Variants in ANKS1A observed in about 807,000 individuals in gnomAD.
The protein encoded by ANKS1A is ankyrin repeat and SAM domain-containing protein 1A.
A neutral mutation model predicts 120.3 loss-of-function variants in ANKS1A; 55 were observed. That is an observed-to-expected ratio of 0.46 (90% CI 0.37 to 0.57). ANKS1A has a LOEUF of 0.57. Among genes scored for constraint, ANKS1A ranks in the 20% least tolerant of loss-of-function variants. The pLI is 0.00. For missense variants in ANKS1A, 1,123 were observed against 1,480.3 expected (o/e 0.76, Z 3.96); for synonymous variants, 590 against 604.7 (o/e 0.98, Z 0.36).
intron 1 of ANKS1A, among the ~76,000 whole-genome samples, chr6:34,932,784 G>A (rs983863302): frequency 2.8e-4 from 43 of 152,084 alleles, no homozygotes; most frequent in African/African-American, 9.7e-4. Flanking sequence ...TCCATATTTT[G>A]GTTTTTGTGA....
At chr6:34,950,671 A>G (rs1206162739) in intron 1 of ANKS1A, among the ~76,000 whole-genome samples, 2 of 152,148 alleles carry the variant, frequency 1.3e-5, no homozygotes, top group African/African-American at 4.8e-5. Context: ...AGGAAACATC[A>G]AGGCTAGGGG....
rs142839157 is a variant in ANKS1A, at chr6:35,024,718, C to T, written c.2010+6659C>T. The stretch of plus-strand genomic sequence containing the variant: ...TTCAGGCCAAGTCCAGAAGTGGCCT[C>T]GCCACCTCGCCCTTTCCAGCTCTTT... On this transcript the variant is annotated intron_variant, in intron 11 of 23. Transcript: ENST00000360359. Among the ~76,000 whole-genome samples, 284 of 152,284 alleles carry T rather than the reference C, an allele frequency of 1.9e-3. 1 individual carries two copies. Among genetic ancestry groups the T allele is most frequent in the African/African-American group, 6.1e-3 (254 of 41,572 alleles).
chr6:34,901,998 T>G (rs937180970), intron 1 of ANKS1A, among the ~76,000 whole-genome samples: 5 of 152,244 alleles, frequency 3.3e-5, no homozygotes, highest in African/African-American at 1.2e-4. Flanking sequence ...CCTATTACTT[T>G]TTACCTACAA....
At chr6:34,896,965 C>A (rs1299216075) in intron 1 of ANKS1A, among the ~76,000 whole-genome samples, 1 of 151,530 alleles carries the variant, frequency 6.6e-6, no homozygotes, top group Non-Finnish European at 1.5e-5. Flanking sequence ...AACTCCATCT[C>A]AAAAAAAATA....
At chr6:35,093,230 T>C (rs1030399960), downstream of ANKS1A, among the ~76,000 whole-genome samples, 2 of 152,144 alleles carry the variant, frequency 1.3e-5, no homozygotes, top group Middle Eastern at 3.2e-3. Context: ...CAAATAGAAT[T>C]TTCCTAACAC....
At chr6:35,071,186 C>A in intron 13 of ANKS1A, 1 of 261,326 alleles carries the variant, frequency 3.8e-6, no homozygotes, top group Non-Finnish European at 7.4e-6. Flanking sequence ...TCCCTCCTTT[C>A]CAGACTGAAC....
intron 10 of ANKS1A, among the ~76,000 whole-genome samples, chr6:35,001,450 C>CA (rs1370745002): frequency 6.6e-6 from 1 of 152,194 alleles, no homozygotes; most frequent in Non-Finnish European, 1.5e-5. Context: ...GTCCTCCAGT[C>CA]AGCTCCATGG....
In ANKS1A at chr6:34,982,202, G is replaced by A. The variant is rs564791209; in HGVS notation, c.732+216G>A. The stretch of plus-strand genomic sequence containing the variant: ...TTTGTTTCTTTTCAGGGGGTAATCC[G>A]TAGTCATTAAACCCTGAAAAGATGT... On this transcript the variant is annotated intron_variant, in intron 4 of 23. Transcript: ENST00000360359. This position sits in a 1 kb window ranked among gnomAD's most constrained non-coding sequence, Gnocchi z 4.9. Among the ~76,000 whole-genome samples, 12 of 152,164 alleles carry A rather than the reference G, an allele frequency of 7.9e-5. No homozygotes were observed. The highest frequency in any genetic ancestry group is 1.2e-4 in the African/African-American group (5 of 41,508).
At chr6:35,013,168 G>A (rs57844307) in intron 10 of ANKS1A, among the ~76,000 whole-genome samples, 16,179 of 152,244 alleles carry the variant, frequency 0.11, 1,220 homozygotes, top group African/African-American at 0.2. Flanking sequence ...TGCTCAGCTC[G>A]AAAGCTACCT....
intron 1 of ANKS1A, among the ~76,000 whole-genome samples, chr6:34,941,762 A>T (rs1199547577): frequency 6.6e-6 from 1 of 152,222 alleles, no homozygotes; most frequent in African/African-American, 2.4e-5. Flanking sequence ...ACAGCCGTTC[A>T]TTCTTTAAAG....
Position 35,082,687 on chromosome 6 carries a change from G to A in ANKS1A, c.2710-4G>A, listed in dbSNP as rs779760906. The A allele has an allele frequency of 6.6e-5, 106 of 1,606,408 alleles. No homozygotes were observed. The highest frequency in any genetic ancestry group is 2.5e-4 in the South Asian group (23 of 90,326). On this transcript the variant is annotated splice_polypyrimidine_tract_variant and splice_region_variant and intron_variant, in intron 17 of 23. Transcript: ENST00000360359. The surrounding 1 kb of genome is among the most constrained non-coding windows in gnomAD (Gnocchi z 4.1). Reference sequence around the variant, plus strand: ...GCAGGTGTCCAATTGCGTGTGTTTCGCAGGAGGAGCACCGTGAGGCCAAGC... The same window carrying A: ...GCAGGTGTCCAATTGCGTGTGTTTCACAGGAGGAGCACCGTGAGGCCAAGC...
chr6:35,032,063 C>T (rs1383513616), intron 11 of ANKS1A, among the ~76,000 whole-genome samples: 1 of 152,210 alleles, frequency 6.6e-6, no homozygotes, highest in Non-Finnish European at 1.5e-5. Context: ...TGTAAACAAA[C>T]ATGCAGCTTT....
At chr6:34,935,484 T>C (rs916818137) in intron 1 of ANKS1A, among the ~76,000 whole-genome samples, 2 of 152,262 alleles carry the variant, frequency 1.3e-5, no homozygotes, top group Non-Finnish European at 2.9e-5. Context: ...TATGCAGAGC[T>C]GGGACTTGCT....
Position 34,889,516 on chromosome 6 carries a change from TGGCTCTGGGGGCGGCGGC to T in ANKS1A, c.118_135del (p.Ser40_Gly45del), listed in dbSNP as rs771666173. 4 of 1,271,144 alleles carry T rather than the reference TGGCTCTGGGGGCGGCGGC, an allele frequency of 3.1e-6. No individual in the cohort carries two copies. The highest frequency in any genetic ancestry group is 3.9e-6 in the Non-Finnish European group (4 of 1,018,268). The allele number at this position is 1,271,144 out of a possible 1,614,324, so 78.7% of individuals were successfully genotyped here. A position where few individuals can be genotyped will look rare whatever the true frequency, so the allele number is the denominator to read the frequency against. On this transcript the variant is annotated inframe_deletion, in exon 1 of 24. Coordinates refer to ENST00000360359, the MANE Select transcript of ANKS1A (RefSeq NM_015245.3). The surrounding 1 kb of genome is among the most constrained non-coding windows in gnomAD (Gnocchi z 5.5). ...CAGGCTTTGGGGGCGGCGGCGGCGG[TGGCTCTGGGGGCGGCGGC>T]GGCGGCAGCGGCGGCGGCGGCGGCG...
At chr6:34,944,802 A>G (rs1482134540) in intron 1 of ANKS1A, among the ~76,000 whole-genome samples, 1 of 152,222 alleles carries the variant, frequency 6.6e-6, no homozygotes, top group African/African-American at 2.4e-5. Flanking sequence ...TTCAAGGGTC[A>G]GCTGTATTTT....
intron 10 of ANKS1A, among the ~76,000 whole-genome samples, chr6:35,001,512 T>G (rs993302999): frequency 9.9e-5 from 15 of 152,230 alleles, no homozygotes; most frequent in Non-Finnish European, 1.8e-4. Flanking sequence ...TGCCAAGCTC[T>G]CTCTGCTATA....
intron 10 of ANKS1A, among the ~76,000 whole-genome samples, chr6:34,998,541 A>G (rs1772973371): frequency 6.6e-6 from 1 of 152,108 alleles, no homozygotes; most frequent in Non-Finnish European, 1.5e-5. Context: ...TGACCTAGCA[A>G]CTGATGTTAT....
chr6:34,990,996 T>G (rs13191009), intron 9 of ANKS1A, among the ~76,000 whole-genome samples: 100,798 of 151,962 alleles, frequency 0.66, 35,776 homozygotes, highest in Non-Finnish European at 0.8. Flanking sequence ...TGTACTATTA[T>G]GTATATTTTT....
chr6:35,055,480 A>T (rs1432562092), intron 12 of ANKS1A, among the ~76,000 whole-genome samples: 1 of 151,902 alleles, frequency 6.6e-6, no homozygotes, highest in East Asian at 1.9e-4. Context: ...CAGGCATGTA[A>T]CACCACGCCT....
Sources: gnomAD v4.1 joint callset for allele counts (sites outside exome capture counted in the v4.1 genomes callset) on GRCh38, gnomAD v4.1.1 for gene constraint, Gnocchi (gnomAD v3.1) non-coding constraint, MANE v1.5 for transcripts, NCBI Gene and HGNC (gene_info 2026-07-23, HGNC 2026-07-21) for gene names.